The following OGG1 variants were observed in gnomAD, a reference collection of about 807,000 sequenced individuals.
OGG1 encodes N-glycosylase/DNA lyase.
In OGG1, 35 loss-of-function variants were observed where a neutral mutation model predicts 42.3. That is an observed-to-expected ratio of 0.83 (90% CI 0.63 to 1.10). OGG1 has a LOEUF of 1.10. Ranked by LOEUF, OGG1 falls within the 50% of genes least tolerant of loss-of-function variation. The pLI is 0.00. For missense variants in OGG1, 484 were observed against 446.7 expected (o/e 1.08, Z -0.75); for synonymous variants, 189 against 179.0 (o/e 1.06, Z -0.44).
In OGG1 at chr3:9,762,787, A is replaced by T. The variant is rs1375661763; in HGVS notation, c.1049-3022A>T. ...GAGGAGGCAGTTTAAAGGTTACAAG[A>T]TCCACTTTGTAGATGGAAATCCAAG... On this transcript the variant is annotated intron_variant, in intron 7 of 7. Transcript: ENST00000302008. The T allele has an allele frequency of 5.2e-5, 46 of 877,914 alleles. 1 individual carries two copies. Among genetic ancestry groups the T allele is most frequent in the Admixed American group, 9.2e-5 (4 of 43,276 alleles). The allele number at this position is 877,914 out of a possible 1,614,324, so 54.4% of individuals were successfully genotyped here. A position where few individuals can be genotyped will look rare whatever the true frequency, so the allele number is the denominator to read the frequency against.
downstream of OGG1, chr3:9,760,695 C>T (rs770601593): frequency 5.0e-6 from 8 of 1,614,036 alleles, no homozygotes; most frequent in Middle Eastern, 1.7e-4. Context: ...GAGTCAAACT[C>T]GTACTCGGCC....
downstream of OGG1, chr3:9,767,712 G>C (rs920145784): frequency 6.2e-7 from 1 of 1,614,094 alleles, no homozygotes; most frequent in South Asian, 1.1e-5. Context: ...AATGTCCTCC[G>C]CCTGCTTCCA....
exon 4 of OGG1, chr3:9,787,999 T>C (rs1022784559): frequency 1.6e-5 from 5 of 313,348 alleles, no homozygotes; most frequent in African/African-American, 8.7e-5. Flanking sequence ...AACACGGCAA[T>C]GAAGAGGGAT....
chr3:9,756,697 C>T, intron 5 of OGG1, 70 bp from the exon 6 acceptor site: 1 of 1,613,572 alleles, frequency 6.2e-7, no homozygotes, highest in Non-Finnish European at 8.5e-7. Flanking sequence ...TCACCTCTCC[C>T]TCAGACCCTA....
At chr3:9,786,650 C>A (rs988740842) in intron 3 of OGG1, among the ~76,000 whole-genome samples, 4 of 152,286 alleles carry the variant, frequency 2.6e-5, no homozygotes, top group Middle Eastern at 3.4e-3. Flanking sequence ...GCCCCTCCAA[C>A]AGATGCTTAG....
At chr3:9,766,215 T>C (rs1165669810) in exon 8 of OGG1, 1 of 732,878 alleles carries the variant, frequency 1.4e-6, no homozygotes. Context: ...GGGGAGAGCC[T>C]GCTTGGGAAT....
chr3:9,753,432 C>G (rs2077397864), intron 3 of OGG1, among the ~76,000 whole-genome samples: 1 of 151,490 alleles, frequency 6.6e-6, no homozygotes, highest in African/African-American at 2.4e-5. Flanking sequence ...GCGGGTGGAT[C>G]ACGAGGTCAG....
At chr3:9,784,041 G>A in intron 3 of OGG1, 1 of 1,613,934 alleles carries the variant, frequency 6.2e-7, no homozygotes, top group Non-Finnish European at 8.5e-7. Context: ...AGCAGGTCGT[G>A]CTTCTTGGTG....
intron 3 of OGG1, chr3:9,787,588 G>A (rs2078645814): frequency 2.9e-6 from 3 of 1,044,992 alleles, no homozygotes; most frequent in Non-Finnish European, 4.0e-6. Context: ...CAAGATAGAA[G>A]GTGCAGAATA....
At chr3:9,777,765 C>T (rs894561224) in intron 2 of OGG1, among the ~76,000 whole-genome samples, 27 of 152,326 alleles carry the variant, frequency 1.8e-4, no homozygotes, top group African/African-American at 5.8e-4. Flanking sequence ...CATCCCACCT[C>T]CTCCACAAAA....
At chr3:9,763,168 A>C (rs2125583636) in intron 7 of OGG1, 1 of 1,613,924 alleles carries the variant, frequency 6.2e-7, no homozygotes, top group East Asian at 2.2e-5. Context: ...GGTGGCCCCC[A>C]CTCTCATAGA....
At chr3:9,787,747 G>A (rs2078649823) in exon 4 of OGG1, 5 of 1,273,932 alleles carry the variant, frequency 3.9e-6, no homozygotes, top group Non-Finnish European at 5.1e-6. Flanking sequence ...TAAGAAATCA[G>A]ATAAGTGAAG....
At chr3:9,761,704 G>A (rs770520271), downstream of OGG1, 32 of 1,614,030 alleles carry the variant, frequency 2.0e-5, no homozygotes, top group Admixed American at 1.0e-4. Flanking sequence ...GGCCAAAGTC[G>A]GAGATCATGA....
chr3:9,774,628 G>A (rs2078342379), intron 2 of OGG1, among the ~76,000 whole-genome samples: 1 of 151,868 alleles, frequency 6.6e-6, no homozygotes, highest in Non-Finnish European at 1.5e-5. Flanking sequence ...ATGGTCAAAG[G>A]ATACAGATAA....
chr3:9,760,770 T>A, downstream of OGG1: 1 of 1,613,962 alleles, frequency 6.2e-7, no homozygotes, highest in Non-Finnish European at 8.5e-7. Context: ...CCGCAGAGCC[T>A]GGGCAGGGAG....
rs776539682 is a variant in OGG1 at position 9,756,632 on chromosome 3, T to C, written c.898+11T>C. On this transcript the variant is annotated intron_variant, in intron 5 of 6. Coordinates refer to ENST00000344629, the MANE Select transcript of OGG1 (RefSeq NM_002542.6). ...CCAACAAGGAACTGGGTGAGGAAAG[T>C]GGGCTGCAGGGGCTGGCAGTGGGCT... is the stretch of plus-strand genomic sequence containing the variant. The C allele has an allele frequency of 2.1e-5, 34 of 1,612,424 alleles. 1 individual carries two copies. The East Asian group carries it at 5.8e-4, about 27-fold the overall frequency.
chr3:9,788,801 A>AAGT (rs1307958221), downstream of OGG1, among the ~76,000 whole-genome samples: 1 of 151,434 alleles, frequency 6.6e-6, no homozygotes, highest in Non-Finnish European at 1.5e-5. Flanking sequence ...CAGCCTCCCA[A>AAGT]AGTGTTGGGA....
intron 4 of OGG1, among the ~76,000 whole-genome samples, chr3:9,756,108 G>A (rs1400257231): frequency 6.6e-6 from 1 of 152,146 alleles, no homozygotes; most frequent in East Asian, 1.9e-4. Flanking sequence ...CTTGAGGTCA[G>A]GAGTTCGAGA....
intron 3 of OGG1, 110 bp from the exon 4 acceptor site, chr3:9,754,594 A>C: frequency 8.6e-7 from 1 of 1,166,154 alleles, no homozygotes. Flanking sequence ...GGGAGGTAGG[A>C]GGGGAACTTA....
Sources: gnomAD v4.1 joint callset for allele counts (sites outside exome capture counted in the v4.1 genomes callset) on GRCh38, gnomAD v4.1.1 for gene constraint, MANE v1.5 for transcripts, NCBI Gene and HGNC (gene_info 2026-07-23, HGNC 2026-07-21) for gene names.